Variants in LRRC56 observed in about 807,000 individuals in gnomAD.
LRRC56 encodes leucine-rich repeat-containing protein 56.
LRRC56 carries 41 observed loss-of-function variants against 47.8 expected under a neutral mutation model. That is an observed-to-expected ratio of 0.86 (90% CI 0.67 to 1.11). The LOEUF (loss-of-function observed/expected upper bound fraction) is 1.11. LRRC56 is among the 50% of genes most tolerant of loss of function. The pLI is 0.00. For synonymous variants in LRRC56, 387 were observed against 311.2 expected (o/e 1.24, Z -2.56); for missense variants, 759 against 704.2 (o/e 1.08, Z -0.88).
At chr11:521,894 G>A in the LRRC56 span, among the ~76,000 whole-genome samples, 79 of 147,366 alleles carry the variant, frequency 5.4e-4, no homozygotes, top group African/African-American at 2.0e-3. Flanking sequence ...CAGCCTGGAT[G>A]ACAGAGCAAG....
At chr11:540,588 G>C in intron 3 of LRRC56, 86 bp from the exon 4 acceptor site, 1 of 1,179,602 alleles carries the variant, frequency 8.5e-7, no homozygotes, top group South Asian at 1.4e-5. Context: ...GGGGGCGGGG[G>C]GTTGAGGGCT....
the LRRC56 span, among the ~76,000 whole-genome samples, chr11:508,394 A>G: frequency 2.0e-5 from 3 of 152,334 alleles, no homozygotes; most frequent in African/African-American, 4.8e-5. Flanking sequence ...ATTGGGCTCA[A>G]GTGATCCTCC....
At chr11:507,913 CT>C in the LRRC56 span, among the ~76,000 whole-genome samples, 1 of 152,262 alleles carries the variant, frequency 6.6e-6, no homozygotes, top group Non-Finnish European at 1.5e-5. Flanking sequence ...CGAGCTGCTC[CT>C]GCGTCCACTC....
In LRRC56 at chr11:540,321, G is replaced by A. The variant is rs542008987; in HGVS notation, c.-11-353G>A. Among the ~76,000 whole-genome samples, 17 of 152,296 alleles carry A rather than the reference G, an allele frequency of 1.1e-4. No individual in the cohort carries two copies. The East Asian group carries it at 2.1e-3, about 19-fold the overall frequency. On this transcript the variant is annotated intron_variant, in intron 3 of 13. Coordinates refer to ENST00000270115, the MANE Select transcript of LRRC56 (RefSeq NM_198075.4). ...CCCCACAGCCACCGGCAGCTGGCCCGGCACCCCAGGCTCACAGCCCCTGTG... is the reference window on the plus strand; with the variant it reads ...CCCCACAGCCACCGGCAGCTGGCCCAGCACCCCAGGCTCACAGCCCCTGTG...
chr11:547,342 C>T (rs1255038773), intron 6 of LRRC56, among the ~76,000 whole-genome samples: 2 of 151,340 alleles, frequency 1.3e-5, no homozygotes, highest in Non-Finnish European at 2.9e-5. Context: ...AACAAATAAG[C>T]CTCTATTATT....
the LRRC56 span, among the ~76,000 whole-genome samples, chr11:511,704 G>A: frequency 5.0e-4 from 76 of 152,332 alleles, no homozygotes; most frequent in African/African-American, 1.7e-3. Context: ...TGATGTGGGG[G>A]CCTCAGATAC....
chr11:518,891 A>C, the LRRC56 span, among the ~76,000 whole-genome samples: 2 of 135,756 alleles, frequency 1.5e-5, no homozygotes, highest in African/African-American at 5.9e-5. Context: ...GGCCGCTCTG[A>C]GGGACCGGGG....
chr11:543,897 C>G (rs1200870576), intron 5 of LRRC56, among the ~76,000 whole-genome samples: 1 of 152,184 alleles, frequency 6.6e-6, no homozygotes, highest in Non-Finnish European at 1.5e-5. Context: ...TACAGGCGCC[C>G]GCCACCATAC....
At chr11:548,936 G>A (rs545604510) in intron 6 of LRRC56, among the ~76,000 whole-genome samples, 13 of 152,308 alleles carry the variant, frequency 8.5e-5, no homozygotes, top group African/African-American at 2.9e-4. Flanking sequence ...AGATCAAGGG[G>A]TTTCCATTAG....
intron 13 of LRRC56, among the ~76,000 whole-genome samples, chr11:553,067 G>A (rs891656654): frequency 6.6e-6 from 1 of 152,232 alleles, no homozygotes; most frequent in Non-Finnish European, 1.5e-5. Flanking sequence ...AGCTTTCAGG[G>A]ACACAGGCAT....
At chr11:536,052 G>C (rs45453193), upstream of LRRC56, among the ~76,000 whole-genome samples, 36,674 of 152,174 alleles carry the variant, frequency 0.24, 4,828 homozygotes, top group African/African-American at 0.34. Context: ...GGGTCCGGTT[G>C]CCCGGCTGCC....
the LRRC56 span, among the ~76,000 whole-genome samples, chr11:524,495 G>T: frequency 1.3e-5 from 2 of 152,092 alleles, no homozygotes; most frequent in Non-Finnish European, 2.9e-5. Context: ...GTCAGGCATG[G>T]TCGCAGGTGC....
In LRRC56 at chr11:551,365, C is replaced by T. The variant is rs549276623; in HGVS notation, c.796+63C>T. 32 of 1,106,292 alleles carry T rather than the reference C, an allele frequency of 2.9e-5. No homozygotes were observed. In the African/African-American group the frequency reaches 4.4e-4, roughly 15 times the overall value. 68.5% of individuals were successfully genotyped at this position (1,106,292 alleles called of 1,614,324 possible). On this transcript the variant is annotated intron_variant, in intron 9 of 13. Coordinates refer to ENST00000270115, the MANE Select transcript of LRRC56 (RefSeq NM_198075.4). The stretch of plus-strand genomic sequence containing the variant: ...CCAGCTCCCCCCAGGAAGAGGCCCC[C>T]ACCCCAGGCTTCTCAGAAACGGATA...
chr11:511,738 G>A, the LRRC56 span, among the ~76,000 whole-genome samples: 1 of 152,190 alleles, frequency 6.6e-6, no homozygotes, highest in Non-Finnish European at 1.5e-5. Context: ...GCCCAGGCGT[G>A]ACCCTCTCCT....
At chr11:514,887 C>T in the LRRC56 span, among the ~76,000 whole-genome samples, 25 of 152,096 alleles carry the variant, frequency 1.6e-4, no homozygotes, top group Admixed American at 3.3e-4. Flanking sequence ...CCGAGGTTGA[C>T]GCAGCTAGAT....
chr11:533,709 GC>G (rs1851265241), upstream of LRRC56: 2 of 1,610,318 alleles, frequency 1.2e-6, no homozygotes, highest in Admixed American at 3.3e-5. Flanking sequence ...CCTGGACGCA[GC>G]CGGCCTGGCC....
At chr11:548,638 T>G (rs1319340687) in intron 6 of LRRC56, among the ~76,000 whole-genome samples, 1 of 151,846 alleles carries the variant, frequency 6.6e-6, no homozygotes, top group Admixed American at 6.6e-5. Context: ...TTTTGTATTT[T>G]TAGTAGAGAT....
chr11:540,415 G>A (rs1851732716), intron 3 of LRRC56, among the ~76,000 whole-genome samples: 1 of 152,206 alleles, frequency 6.6e-6, no homozygotes, highest in Admixed American at 6.5e-5. Context: ...GAAACACAGG[G>A]AGGGTGTCCT....
chr11:550,962 G>C (rs953834527), intron 8 of LRRC56, among the ~76,000 whole-genome samples, 169 bp from the exon 9 acceptor site: 2 of 152,146 alleles, frequency 1.3e-5, no homozygotes, highest in African/African-American at 4.8e-5. Flanking sequence ...TCAGTCCCTG[G>C]GGTGTGAGAG....
Sources: allele counts gnomAD v4.1 joint callset (sites outside exome capture counted in the v4.1 genomes callset), GRCh38; gene constraint gnomAD v4.1.1; transcripts MANE v1.5; gene names NCBI Gene and HGNC (gene_info 2026-07-23, HGNC 2026-07-21).